FAT3: variants seen among roughly 807,000 people sequenced by gnomAD.
FAT3 encodes FAT atypical cadherin 3, also known as protocadherin Fat 3.
FAT3 carries 95 observed loss-of-function variants against 310.2 expected under a neutral mutation model. That is an observed-to-expected ratio of 0.31 (90% confidence interval 0.26 to 0.36). The LOEUF is 0.36. Among genes scored for constraint, FAT3 ranks in the 10% least tolerant of loss-of-function variants. The pLI is 1.00. For missense variants in FAT3, 5,408 were observed against 5,715.6 expected, an observed-to-expected ratio of 0.95 and a Z score of 1.74; for synonymous variants, 2,314 against 2,192.9, an observed-to-expected ratio of 1.06 and a Z score of -1.54.
intron 3 of FAT3, among the ~76,000 whole-genome samples, chr11:92,560,069 C>A (rs1484848354): frequency 6.6e-6 from 1 of 152,168 alleles, no homozygotes; most frequent in African/African-American, 2.4e-5. Context: ...ATTATACATC[C>A]CACTATCAGT....
chr11:92,869,447 G>A (rs1591834400), intron 22 of FAT3, among the ~76,000 whole-genome samples: 1 of 152,292 alleles, frequency 6.6e-6, no homozygotes, highest in East Asian at 1.9e-4. Context: ...GCTTTCCTGG[G>A]GAGCCAAGGG....
At chr11:92,745,451 G>A (rs1354336613) in intron 4 of FAT3, among the ~76,000 whole-genome samples, 1 of 152,108 alleles carries the variant, frequency 6.6e-6, no homozygotes, top group African/African-American at 2.4e-5. Flanking sequence ...ACTTTGAGGA[G>A]GTGTTTAGTT....
intron 27 of FAT3, among the ~76,000 whole-genome samples, chr11:92,890,137 A>G (rs368850169): frequency 6.6e-6 from 1 of 151,622 alleles, no homozygotes; most frequent in South Asian, 2.1e-4. Flanking sequence ...CAGCTGATGG[A>G]CCTCTCTGCA....
At chr11:92,458,246 C>A (rs1036644431) in intron 2 of FAT3, among the ~76,000 whole-genome samples, 2 of 152,156 alleles carry the variant, frequency 1.3e-5, no homozygotes, top group Non-Finnish European at 2.9e-5. Flanking sequence ...CAGCAGTGGG[C>A]AGAACCATGC....
Position 92,723,104 on chromosome 11 carries a change from T to C in FAT3, c.3669+25659T>C, listed in dbSNP as rs188790218. Among the ~76,000 whole-genome samples the C allele has an allele frequency of 1.6e-4, 24 of 152,340 alleles. No individual in the cohort carries two copies. The East Asian group carries it at 4.2e-3, about 27-fold the overall frequency. ...TCAGAAAATGGGATTTTCTTTTCTA[T>C]TGCATTGTCAAGCTGCAAATTTTCC... On this transcript the variant is annotated intron_variant, in intron 4 of 27. Coordinates refer to ENST00000525166, the MANE Select transcript of FAT3 (RefSeq NM_001367949.2).
chr11:92,893,321 T>C lies in FAT3; in HGVS notation c.*2208T>C, dbSNP rs1949957020. 6.6e-6 allele frequency: 1 copy of C among 152,200 alleles called. No homozygotes were observed. Among genetic ancestry groups the C allele is most frequent in the Admixed American group, 6.5e-5 (1 of 15,280 alleles). 9.4% of individuals were successfully genotyped at this position (152,200 alleles called of 1,614,324 possible). A position where few individuals can be genotyped will look rare whatever the true frequency, so the allele number is the denominator to read the frequency against. ...ATAAATGAATTTCACTAAGGCTGCT[T>C]TCGAGAACAAAGTCTTTGGTATTTT... On this transcript the variant is annotated 3_prime_UTR_variant, in exon 28 of 28. Transcript: ENST00000525166.
chr11:92,471,686 A>G (rs1310039621), intron 2 of FAT3, among the ~76,000 whole-genome samples: 1 of 152,020 alleles, frequency 6.6e-6, no homozygotes, highest in Non-Finnish European at 1.5e-5. Context: ...TATCCAAGAA[A>G]ACTCATCTAC....
intron 1 of FAT3, among the ~76,000 whole-genome samples, chr11:92,231,276 A>G: frequency 6.6e-6 from 1 of 152,114 alleles, no homozygotes; most frequent in East Asian, 1.9e-4. Context: ...TCTGTCCTTT[A>G]GGTATTCATC....
At chr11:92,315,479 G>GTGTATATATATATATATATA (rs1555009286) in intron 1 of FAT3, among the ~76,000 whole-genome samples, 1 of 65,188 alleles carries the variant, frequency 1.5e-5, no homozygotes, top group Non-Finnish European at 3.0e-5. Flanking sequence ...GTGTGTGTGT[G>GTGTATATATATATATATATA]TATATATATA....
rs1393453668 is a variant in FAT3, at chr11:92,420,019, T to C, written c.3292+64615T>C. ...AGAGTCCGTTTAGATTTTATGCCCA[T>C]TCTTATTTCTGTAGGTGATTATCAG... On this transcript the variant is annotated intron_variant, in intron 2 of 27. Coordinates refer to ENST00000525166, the MANE Select transcript of FAT3 (RefSeq NM_001367949.2). Among the ~76,000 whole-genome samples the C allele has an allele frequency of 2.0e-5, 3 of 152,202 alleles. No homozygotes were observed. The East Asian group carries it at 5.8e-4, about 29-fold the overall frequency.
At chr11:92,444,670 G>A (rs76242017) in intron 2 of FAT3, among the ~76,000 whole-genome samples, 5,956 of 131,812 alleles carry the variant, frequency 0.045, 260 homozygotes, top group African/African-American at 0.1. Context: ...GGGGGGGGGG[G>A]AAAACATACA....
At chr11:92,397,240 G>T (rs570695325) in intron 2 of FAT3, among the ~76,000 whole-genome samples, 1 of 152,230 alleles carries the variant, frequency 6.6e-6, no homozygotes, top group Admixed American at 6.5e-5. Context: ...TTTTTGGGGG[G>T]AGTTGGGCAC....
intron 2 of FAT3, among the ~76,000 whole-genome samples, chr11:92,451,847 G>C (rs1951360549): frequency 1.3e-5 from 2 of 152,136 alleles, no homozygotes; most frequent in Admixed American, 6.5e-5. Context: ...AATTGTGTTT[G>C]TGCATTTCTG....
At chr11:92,589,129 A>G (rs749555415) in intron 3 of FAT3, among the ~76,000 whole-genome samples, 51 of 152,046 alleles carry the variant, frequency 3.4e-4, no homozygotes, top group Non-Finnish European at 6.9e-4. Context: ...ATGCTGGGTC[A>G]TAGGCATGTC....
chr11:92,289,047 G>A (rs999763099), intron 1 of FAT3, among the ~76,000 whole-genome samples: 1 of 152,102 alleles, frequency 6.6e-6, no homozygotes, highest in Admixed American at 6.5e-5. Flanking sequence ...ACCATTGGCT[G>A]GGGGTCAGAG....
intron 2 of FAT3, among the ~76,000 whole-genome samples, chr11:92,500,423 C>A (rs648386): frequency 0.48 from 72,167 of 151,710 alleles, 17,435 homozygotes; most frequent in African/African-American, 0.58. Context: ...GATTGATGCC[C>A]TAAAATGCTG....
intron 1 of FAT3, among the ~76,000 whole-genome samples, chr11:92,226,929 T>C (rs1423651396): frequency 6.6e-6 from 1 of 152,140 alleles, no homozygotes; most frequent in Non-Finnish European, 1.5e-5. Context: ...CCCCAGACTC[T>C]GGCGCGTTTG....
chr11:92,666,633 T>G (rs1342299318), intron 3 of FAT3, among the ~76,000 whole-genome samples: 1 of 152,006 alleles, frequency 6.6e-6, no homozygotes, highest in Non-Finnish European at 1.5e-5. Flanking sequence ...GTGCTGAGAT[T>G]ACAGGCATGA....
At chr11:92,344,563 T>TGTAA (rs1786590698) in intron 1 of FAT3, among the ~76,000 whole-genome samples, 2 of 152,150 alleles carry the variant, frequency 1.3e-5, no homozygotes, top group South Asian at 4.1e-4. Context: ...AGTGAAAAGG[T>TGTAA]GTAAGTTCCT....
Sources: allele counts gnomAD v4.1 joint callset (sites outside exome capture counted in the v4.1 genomes callset), GRCh38; gene constraint gnomAD v4.1.1; transcripts MANE v1.5; gene names NCBI Gene and HGNC (gene_info 2026-07-23, HGNC 2026-07-21).